The following HUNK variants were observed in gnomAD, a reference collection of about 807,000 sequenced individuals.
HUNK encodes hormonally up-regulated Neu-associated kinase.
HUNK carries 21 observed loss-of-function variants against 61.0 expected under a neutral mutation model. That is an observed-to-expected ratio of 0.34 (90% confidence interval 0.24 to 0.50). The LOEUF (loss-of-function observed/expected upper bound fraction) is 0.50, where lower values mean the gene tolerates loss of function less well. HUNK is among the 20% of genes least tolerant of loss of function. The pLI is 0.98. For synonymous variants in HUNK, 371 were observed against 386.1 expected, an observed-to-expected ratio of 0.96 and a Z score of 0.46; for missense variants, 772 against 945.7, an observed-to-expected ratio of 0.82 and a Z score of 2.41.
intron 6 of HUNK, among the ~76,000 whole-genome samples, chr21:31,972,223 C>T (rs2053016472): frequency 6.6e-6 from 1 of 151,928 alleles, no homozygotes; most frequent in Non-Finnish European, 1.5e-5. Context: ...AGGTCGCAGG[C>T]AATACAGGAC....
At chr21:31,978,944 G>A (rs549407353) in intron 7 of HUNK, among the ~76,000 whole-genome samples, 8 of 151,990 alleles carry the variant, frequency 5.3e-5, no homozygotes, top group East Asian at 1.9e-4. Flanking sequence ...CATTCCCACC[G>A]ACAGTGTGCA....
chr21:31,931,894 C>G (rs1053314682), intron 2 of HUNK, among the ~76,000 whole-genome samples: 14 of 152,164 alleles, frequency 9.2e-5, no homozygotes, highest in African/African-American at 3.4e-4. Context: ...ATCCCACAAC[C>G]CTGGATGCAT....
At chr21:31,928,841 T>G (rs1436106799) in intron 2 of HUNK, among the ~76,000 whole-genome samples, 2 of 152,224 alleles carry the variant, frequency 1.3e-5, no homozygotes, top group African/African-American at 4.8e-5. Flanking sequence ...ATTTTCTCCT[T>G]TATGCTGCAA....
At chr21:31,928,027 AC>A (rs1324150321) in intron 2 of HUNK, among the ~76,000 whole-genome samples, 1 of 152,168 alleles carries the variant, frequency 6.6e-6, no homozygotes, top group Admixed American at 6.5e-5. Context: ...TCCCAACAAT[AC>A]CCTTGGGTAG....
chr21:31,987,569 T>C (rs2053142566), intron 8 of HUNK, among the ~76,000 whole-genome samples: 1 of 152,218 alleles, frequency 6.6e-6, no homozygotes, highest in Non-Finnish European at 1.5e-5. Flanking sequence ...ATTTCCTCTG[T>C]CCTGAAGACA....
chr21:31,988,897 C>T (rs756598869), intron 8 of HUNK, among the ~76,000 whole-genome samples: 1 of 151,174 alleles, frequency 6.6e-6, no homozygotes, highest in Non-Finnish European at 1.5e-5. Flanking sequence ...GTGACACAAT[C>T]ATATTTCATT....
At chr21:31,965,398 C>A (rs1166063129) in intron 5 of HUNK, among the ~76,000 whole-genome samples, 2 of 151,456 alleles carry the variant, frequency 1.3e-5, no homozygotes, top group Non-Finnish European at 2.9e-5. Flanking sequence ...CAACAAACTC[C>A]CATGACATGA....
chr21:31,953,975 C>T lies in HUNK; in HGVS notation c.747-4868C>T, dbSNP rs755063215. Among the ~76,000 whole-genome samples the T allele has an allele frequency of 3.9e-5, 6 of 152,284 alleles. No homozygotes were observed. The South Asian group carries it at 6.2e-4, about 16-fold the overall frequency. On this transcript the variant is annotated intron_variant, in intron 4 of 10. Transcript: ENST00000270112. ...CTGTTAATCTTATCTGTGGTCCCAG[C>T]CAGATGATGGAGAGAGGCAAAGACC...
intron 4 of HUNK, among the ~76,000 whole-genome samples, chr21:31,957,970 G>A (rs1472706850): frequency 6.6e-6 from 1 of 152,220 alleles, no homozygotes; most frequent in Non-Finnish European, 1.5e-5. Flanking sequence ...GTTTGGCTGT[G>A]ACTGGAGCTT....
At chr21:31,929,260 A>C (rs1463874531) in intron 2 of HUNK, among the ~76,000 whole-genome samples, 1 of 150,692 alleles carries the variant, frequency 6.6e-6, no homozygotes, top group Non-Finnish European at 1.5e-5. Flanking sequence ...TTTTTTTTTT[A>C]ATACAAAGGA....
At chr21:31,931,225 A>T (rs1286673232) in intron 2 of HUNK, among the ~76,000 whole-genome samples, 3 of 151,986 alleles carry the variant, frequency 2.0e-5, no homozygotes, top group African/African-American at 7.3e-5. Context: ...CATCCAACTT[A>T]ATCCTGTCTG....
chr21:31,883,595 T>C (rs1347980659), intron 1 of HUNK, among the ~76,000 whole-genome samples: 1 of 152,192 alleles, frequency 6.6e-6, no homozygotes, highest in Non-Finnish European at 1.5e-5. Flanking sequence ...TCTTTTTCTT[T>C]GTGGTTCTTG....
At chr21:31,917,747 CA>C (rs1568924785) in intron 1 of HUNK, among the ~76,000 whole-genome samples, 210 of 146,712 alleles carry the variant, frequency 1.4e-3, no homozygotes, top group Admixed American at 2.9e-3. Context: ...CACACACACA[CA>C]CACACACACC....
At chr21:31,938,763 CTG>C (rs1194345067) in intron 2 of HUNK, among the ~76,000 whole-genome samples, 1 of 152,132 alleles carries the variant, frequency 6.6e-6, no homozygotes, top group Non-Finnish European at 1.5e-5. Context: ...TTGTGTGTGT[CTG>C]TGTGTGTGCG....
In HUNK at chr21:31,998,832, C is replaced by T. The variant is rs542964728; in HGVS notation, c.1793C>T (p.Thr598Met). 1.2e-5 allele frequency: 20 copies of T among 1,614,186 alleles called. No homozygotes were observed. The highest frequency in any genetic ancestry group is 1.6e-4 in the Middle Eastern group (1 of 6,062). ...GCTCGCAGAAATTCCAGCGAGAGGA[C>T]GCTGTCCCCGGGTCTGCCATCCGGA... ...SLARRNSSER[T>M]LSPGLPSGSM... Residue 598 changes from threonine (T) to methionine (M), a missense_variant, in exon 11 of 11, where the codon ACG (threonine) becomes ATG (methionine). Thr to Met is a moderately conservative substitution (Grantham distance 81, BLOSUM62 -1). Transcript: ENST00000270112.
chr21:31,921,093 A>G (rs1022469698), intron 1 of HUNK, among the ~76,000 whole-genome samples: 2 of 136,198 alleles, frequency 1.5e-5, no homozygotes, highest in African/African-American at 5.5e-5. Flanking sequence ...CAGAGGTTGC[A>G]GGGAGCCGCC....
chr21:31,980,652 C>T (rs898560716), intron 7 of HUNK, among the ~76,000 whole-genome samples: 5 of 152,098 alleles, frequency 3.3e-5, no homozygotes, highest in South Asian at 4.2e-4. Flanking sequence ...CCACCTCTAC[C>T]ACCCAAAGTG....
At chr21:31,938,853 C>T (rs531727803) in intron 2 of HUNK, among the ~76,000 whole-genome samples, 7 of 152,310 alleles carry the variant, frequency 4.6e-5, no homozygotes, top group African/African-American at 1.4e-4. Flanking sequence ...GATGCCAGAG[C>T]TGATAATAAT....
chr21:31,913,212 AC>A (rs1430435449), intron 1 of HUNK, among the ~76,000 whole-genome samples: 4 of 151,920 alleles, frequency 2.6e-5, no homozygotes, highest in Non-Finnish European at 5.9e-5. Context: ...GCCCGGAGTG[AC>A]CCCAGCCAGT....
Sources: gnomAD v4.1 joint callset for allele counts (sites outside exome capture counted in the v4.1 genomes callset) on GRCh38, gnomAD v4.1.1 for gene constraint, MANE v1.5 for transcripts, NCBI Gene and HGNC (gene_info 2026-07-23, HGNC 2026-07-21) for gene names.